Variants in CLINT1 observed in about 807,000 individuals in gnomAD.
The protein encoded by CLINT1 is clathrin interactor 1, also known as clathrin interacting protein localized in the trans-Golgi region.
Under a neutral mutation model 70.4 loss-of-function variants are expected in CLINT1, and 15 were observed. The ratio of observed to expected loss-of-function variants is 0.21; its 90% confidence interval spans 0.14 to 0.33. The LOEUF (loss-of-function observed/expected upper bound fraction) is 0.33. Among genes scored for constraint, CLINT1 ranks in the 10% least tolerant of loss-of-function variants. The pLI, the probability that CLINT1 is intolerant of heterozygous loss-of-function variation, is 1.00. For synonymous variants in CLINT1, 227 were observed against 254.7 expected (o/e 0.89, Z 1.04); for missense variants, 615 against 778.1 (o/e 0.79, Z 2.49).
chr5:157,844,404 A>T (rs1490496670), intron 1 of CLINT1, among the ~76,000 whole-genome samples: 1 of 152,184 alleles, frequency 6.6e-6, no homozygotes, highest in South Asian at 2.1e-4. Flanking sequence ...TTTCATATGC[A>T]TATGCCTTAC....
rs757592710 is a variant in CLINT1, at chr5:157,791,993, T to A, written c.1090A>T (p.Thr364Ser). Residue 364 changes from threonine (T) to serine (S), a missense_variant and splice_region_variant, in exon 10 of 12, where the codon ACA becomes TCA. Coordinates refer to ENST00000411809, the MANE Select transcript of CLINT1 (RefSeq NM_014666.4). ...AAGTCTCCATTCCCACTTGTTGCTG[T>A]TACTAAGACAGAAATAACTCTAAGG... ...AASGSFPSQV[T>S]ATSGNGDFGD... 4.8e-5 allele frequency: 78 copies of A among 1,611,430 alleles called. No homozygotes were observed. The highest frequency in any genetic ancestry group is 6.2e-5 in the Non-Finnish European group (73 of 1,178,720).
intron 3 of CLINT1, among the ~76,000 whole-genome samples, chr5:157,815,819 T>C (rs924174920): frequency 1.3e-5 from 2 of 152,218 alleles, no homozygotes; most frequent in African/African-American, 2.4e-5. Context: ...ATGACTACTA[T>C]AGGCAGCTGT....
chr5:157,832,553 A>T (rs371281673), intron 1 of CLINT1, among the ~76,000 whole-genome samples: 6 of 152,154 alleles, frequency 3.9e-5, no homozygotes, highest in African/African-American at 1.4e-4. Flanking sequence ...GATTCCTACA[A>T]AAGCCATTTA....
At chr5:157,813,617 T>C (rs765550074) in intron 4 of CLINT1, among the ~76,000 whole-genome samples, 4 of 152,242 alleles carry the variant, frequency 2.6e-5, no homozygotes, top group Non-Finnish European at 5.9e-5. Flanking sequence ...AGCATGTTAA[T>C]AACTGAAAAG....
chr5:157,815,120 TACAC>T lies in CLINT1; in HGVS notation c.244-831_244-828del, dbSNP rs150242169. Among the ~76,000 whole-genome samples, 274 of 142,160 alleles carry T rather than the reference TACAC, an allele frequency of 1.9e-3. 1 individual carries two copies. Among genetic ancestry groups the T allele is most frequent in the Non-Finnish European group, 2.4e-3 (156 of 64,348 alleles). 93.3% of individuals were successfully genotyped at this position (142,160 alleles called of 152,430 possible). ...TTTGCAAAATAGACATCTTCACACA[TACAC>T]ACACACACACACACACACACACACA... On this transcript the variant is annotated intron_variant, in intron 3 of 11. Coordinates refer to ENST00000411809, the MANE Select transcript of CLINT1 (RefSeq NM_014666.4).
chr5:157,858,791 A>C, intron 1 of CLINT1, 139 bp downstream of exon 1: 9 of 846,186 alleles, frequency 1.1e-5, no homozygotes, highest in Admixed American at 2.7e-5. Flanking sequence ...CGGGGCCGGG[A>C]AGGAGCGGGC....
chr5:157,852,681 A>C (rs1042822616), intron 1 of CLINT1, among the ~76,000 whole-genome samples: 10 of 152,340 alleles, frequency 6.6e-5, no homozygotes, highest in African/African-American at 2.4e-4. Flanking sequence ...CTAACACATA[A>C]GATCACCGTT....
rs1762300251 is a variant in CLINT1 at position 157,803,706 on chromosome 5, C to T, written c.956G>A (p.Ser319Asn). 1.3e-6 allele frequency: 2 copies of T among 1,556,284 alleles called. No individual in the cohort carries two copies. The highest frequency in any genetic ancestry group is 2.7e-5 in the African/African-American group (2 of 74,314). ...AACAAGGTCACCAGATGACTTGCTG[C>T]TAGGCACTGAAGTCTGAAAACACAC... Reference protein sequence around the residue: ...PQSSVKTSVPSSKSSGDLVDL... With the variant: ...PQSSVKTSVPNSKSSGDLVDL... The change falls in exon 8 of 12, where the codon AGC becomes AAC. Residue 319 changes from serine to asparagine, a missense_variant. This residue lies in a region of CLINT1 where 374 missense variants were observed against 409.6 expected (regional missense o/e 0.91). Coordinates refer to ENST00000411809, the MANE Select transcript of CLINT1 (RefSeq NM_014666.4).
chr5:157,825,212 G>A (rs892631172), intron 1 of CLINT1, among the ~76,000 whole-genome samples: 1 of 152,080 alleles, frequency 6.6e-6, no homozygotes, highest in Non-Finnish European at 1.5e-5. Context: ...GATATCATAT[G>A]TATATGGGAT....
intron 8 of CLINT1, among the ~76,000 whole-genome samples, chr5:157,799,138 T>C (rs1428385610): frequency 6.6e-6 from 1 of 152,178 alleles, no homozygotes; most frequent in Non-Finnish European, 1.5e-5. Context: ...TAATACTTTA[T>C]GTGTCTAAAT....
At chr5:157,827,964 G>A (rs1176475256) in intron 1 of CLINT1, among the ~76,000 whole-genome samples, 1 of 152,034 alleles carries the variant, frequency 6.6e-6, no homozygotes, top group Non-Finnish European at 1.5e-5. Flanking sequence ...TTTGTCTCTG[G>A]CATATACTAC....
chr5:157,816,529 GTAT>G (rs1023599528), intron 3 of CLINT1, among the ~76,000 whole-genome samples: 4 of 152,084 alleles, frequency 2.6e-5, no homozygotes, highest in Non-Finnish European at 5.9e-5. Flanking sequence ...ACATTTAGAA[GTAT>G]TATTAAGAAT....
At chr5:157,854,621 T>A (rs946155428) in intron 1 of CLINT1, among the ~76,000 whole-genome samples, 2 of 152,320 alleles carry the variant, frequency 1.3e-5, no homozygotes, top group South Asian at 4.1e-4. Context: ...TACTATTCTT[T>A]ATAAAAGCAA....
At chr5:157,806,963 GGAGA>G (rs3836885) in intron 6 of CLINT1, among the ~76,000 whole-genome samples, 1,718 of 145,872 alleles carry the variant, frequency 0.012, 13 homozygotes, top group East Asian at 0.023. Flanking sequence ...GATGTAAGTA[GGAGA>G]GAGAGAGAGA....
At chr5:157,843,730 T>C (rs1371076414) in intron 1 of CLINT1, among the ~76,000 whole-genome samples, 1 of 152,236 alleles carries the variant, frequency 6.6e-6, no homozygotes, top group African/African-American at 2.4e-5. Flanking sequence ...TGTATTATCT[T>C]GTTCCTCAGG....
chr5:157,790,680 A>T, intron 10 of CLINT1: 1 of 454,028 alleles, frequency 2.2e-6, no homozygotes, highest in Non-Finnish European at 4.4e-6. Context: ...AATTAGCATC[A>T]TAAACACATA....
chr5:157,840,118 C>T (rs1753112874), intron 1 of CLINT1, among the ~76,000 whole-genome samples: 1 of 144,686 alleles, frequency 6.9e-6, no homozygotes, highest in Admixed American at 7.2e-5. Flanking sequence ...TAGCTTGAAC[C>T]CACAAGGCAG....
intron 1 of CLINT1, among the ~76,000 whole-genome samples, chr5:157,834,279 T>C (rs559513480): frequency 6.6e-6 from 1 of 152,136 alleles, no homozygotes; most frequent in African/African-American, 2.4e-5. Flanking sequence ...GGTAGGAGAA[T>C]TGCTTGAACC....
At chr5:157,801,314 C>G (rs1412891123) in intron 8 of CLINT1, among the ~76,000 whole-genome samples, 1 of 151,606 alleles carries the variant, frequency 6.6e-6, no homozygotes, top group African/African-American at 2.4e-5. Context: ...TGAGACCAAG[C>G]TGGCCAACAT....
Sources: gnomAD v4.1 joint callset for allele counts (sites outside exome capture counted in the v4.1 genomes callset) on GRCh38, gnomAD v4.1.1 for gene constraint, gnomAD v4.1.1 regional missense constraint, MANE v1.5 for transcripts, NCBI Gene and HGNC (gene_info 2026-07-23, HGNC 2026-07-21) for gene names.